The following COX6C variants were observed in gnomAD, a reference collection of about 807,000 sequenced individuals.
COX6C encodes the protein cytochrome c oxidase subunit 6C, also known as cytochrome c oxidase polypeptide VIc.
COX6C carries 3 observed loss-of-function variants against 6.9 expected under a neutral mutation model. That is an observed-to-expected ratio of 0.43 (90% CI 0.20 to 1.12). COX6C has a LOEUF of 1.12. Ranked by LOEUF, COX6C falls within the 50% of genes most tolerant of loss-of-function variation. The probability of loss-of-function intolerance (pLI) is 0.27; values close to 1 mark genes in which losing one functional copy is unlikely to be tolerated. For missense variants in COX6C, 101 were observed against 97.3 expected (o/e 1.04, Z -0.16); for synonymous variants, 32 against 32.0 (o/e 1.00, Z 0.00).
intron 3 of COX6C, among the ~76,000 whole-genome samples, chr8:99,882,515 G>C (rs1455609766): frequency 6.6e-6 from 1 of 152,066 alleles, no homozygotes; most frequent in Non-Finnish European, 1.5e-5. Context: ...TTAAAAAACT[G>C]TATCAACCTA....
rs542095637 is a variant in COX6C, at chr8:99,888,112, A to T, written c.115-494T>A. 1.1e-3 allele frequency among the ~76,000 whole-genome samples: 165 copies of T among 150,750 alleles called. 2 individuals carry two copies. Among genetic ancestry groups the T allele is most frequent in the Admixed American group, 3.0e-3 (45 of 15,208 alleles). ...TCTCAAAAAAATAAAAAATAAAAAA[A>T]AATAAAAAATAAAAAAAAAATAAAA... is the stretch of plus-strand genomic sequence containing the variant. On this transcript the variant is annotated intron_variant, in intron 2 of 3. Coordinates refer to ENST00000520468, the MANE Select transcript of COX6C (RefSeq NM_004374.4).
In COX6C at chr8:99,892,773, CCAA is replaced by C. The variant is rs769593605; in HGVS notation, c.-31-724_-31-722del. 1.3e-3 allele frequency among the ~76,000 whole-genome samples: 195 copies of C among 151,988 alleles called. 1 individual carries two copies. Among genetic ancestry groups the C allele is most frequent in the Admixed American group, 3.4e-3 (52 of 15,226 alleles). On this transcript the variant is annotated intron_variant, in intron 1 of 3. Coordinates refer to ENST00000520468, the MANE Select transcript of COX6C (RefSeq NM_004374.4). ...ACGAGCAAAGGCAACAAAAATCTTT[CCAA>C]CAACAAGAAAAATAAGCAGTAGCTC...
intron 1 of COX6C, chr8:99,893,257 G>C (rs564406032): frequency 6.6e-6 from 1 of 152,332 alleles, no homozygotes; most frequent in African/African-American, 2.4e-5. Context: ...AGCTGCATTA[G>C]AAACCACCAC....
At chr8:99,879,506 AC>A (rs1817823556) in intron 3 of COX6C, among the ~76,000 whole-genome samples, 1 of 152,162 alleles carries the variant, frequency 6.6e-6, no homozygotes, top group Admixed American at 6.5e-5. Flanking sequence ...AGGCCCCCAA[AC>A]CCCCACAAAA....
chr8:99,888,994 T>TC (rs975123164), intron 2 of COX6C, among the ~76,000 whole-genome samples: 6 of 152,230 alleles, frequency 3.9e-5, no homozygotes, highest in Admixed American at 3.9e-4. Context: ...GAGTCTGTTT[T>TC]CTTTTTTCCT....
intron 3 of COX6C, among the ~76,000 whole-genome samples, chr8:99,884,347 A>C (rs1188970153): frequency 6.6e-6 from 1 of 152,224 alleles, no homozygotes; most frequent in African/African-American, 2.4e-5. Context: ...GGAATGCCTA[A>C]TAAAGGAAAT....
chr8:99,883,553 C>T (rs1817901273), intron 3 of COX6C, among the ~76,000 whole-genome samples: 1 of 150,410 alleles, frequency 6.6e-6, no homozygotes, highest in African/African-American at 2.5e-5. Context: ...CCTCCTTTCT[C>T]AGCCTCCCAA....
At chr8:99,887,443 C>T in intron 3 of COX6C, 47 bp downstream of exon 3, 1 of 1,174,664 alleles carries the variant, frequency 8.5e-7, no homozygotes, top group Non-Finnish European at 1.2e-6. Flanking sequence ...TTGCATTTTA[C>T]CACAATTAGA....
intron 3 of COX6C, among the ~76,000 whole-genome samples, chr8:99,885,825 G>A (rs1014734312): frequency 1.3e-5 from 2 of 152,208 alleles, no homozygotes; most frequent in South Asian, 2.1e-4. Flanking sequence ...ACACAACAGA[G>A]TGAAAAGGCA....
At chr8:99,879,372 A>T (rs1005317817) in intron 3 of COX6C, among the ~76,000 whole-genome samples, 5 of 152,238 alleles carry the variant, frequency 3.3e-5, no homozygotes, top group South Asian at 2.1e-4. Context: ...ACTTTTTTTT[A>T]AAAAAGTGAC....
chr8:99,889,537 C>A (rs1161072351), intron 2 of COX6C, among the ~76,000 whole-genome samples: 1 of 151,974 alleles, frequency 6.6e-6, no homozygotes, highest in Non-Finnish European at 1.5e-5. Flanking sequence ...AGGTGCCCGA[C>A]ACCACGCCCG....
At chr8:99,888,090 CAAAAAAATAAAAAATAA>C (rs1434754223) in intron 2 of COX6C, among the ~76,000 whole-genome samples, 10 of 101,834 alleles carry the variant, frequency 9.8e-5, no homozygotes, top group Admixed American at 3.2e-4. Flanking sequence ...GACTCTGTCT[CAAAAAAATAAAAAATAA>C]AAAAAAATAA....
At chr8:99,880,030 T>C (rs1817837251) in intron 3 of COX6C, among the ~76,000 whole-genome samples, 1 of 152,184 alleles carries the variant, frequency 6.6e-6, no homozygotes, top group Admixed American at 6.5e-5. Flanking sequence ...GAAAGGCAGC[T>C]GTGTATAGGA....
intron 3 of COX6C, among the ~76,000 whole-genome samples, chr8:99,882,679 C>T (rs1817881915): frequency 1.3e-5 from 2 of 151,878 alleles, no homozygotes; most frequent in Non-Finnish European, 2.9e-5. Context: ...GAACCACCAA[C>T]TAACAGAGGG....
chr8:99,882,569 T>C (rs1235867575), intron 3 of COX6C, among the ~76,000 whole-genome samples: 1 of 139,982 alleles, frequency 7.1e-6, no homozygotes, highest in Non-Finnish European at 1.5e-5. Context: ...AGCTGAATAA[T>C]ATTAAACAAA....
chr8:99,878,617 TG>T (rs1222183101), intron 3 of COX6C: 1 of 149,606 alleles, frequency 6.7e-6, no homozygotes, highest in Non-Finnish European at 1.5e-5. Context: ...ATACTGTTTC[TG>T]TTCCAAGCCA....
rs550986877 is a variant in COX6C, at chr8:99,888,129, A to T, written c.115-511T>A. On this transcript the variant is annotated intron_variant, in intron 2 of 3. Coordinates refer to ENST00000520468, the MANE Select transcript of COX6C (RefSeq NM_004374.4). ...ATAAAAAAAAATAAAAAATAAAAAA[A>T]AAATAAAAAATAAAAAAGATGGGGT... 1.8e-3 allele frequency among the ~76,000 whole-genome samples: 273 copies of T among 151,052 alleles called. 1 individual carries two copies. The highest frequency in any genetic ancestry group is 3.4e-3 in the Middle Eastern group (1 of 290).
Position 99,884,742 on chromosome 8 carries a change from T to C in COX6C, c.*15+2748A>G, listed in dbSNP as rs552231961. On this transcript the variant is annotated intron_variant, in intron 3 of 3. Coordinates refer to ENST00000520468, the MANE Select transcript of COX6C (RefSeq NM_004374.4). The stretch of plus-strand genomic sequence containing the variant: ...CTATACAGCTACGTTTTTTCCTATA[T>C]ATACACATACCTATAATAAAGCTTA... Among the ~76,000 whole-genome samples, 5 of 152,312 alleles carry C rather than the reference T, an allele frequency of 3.3e-5. No homozygotes were observed. The South Asian group carries it at 1.0e-3, about 32-fold the overall frequency.
chr8:99,885,809 C>T (rs1817935901), intron 3 of COX6C, among the ~76,000 whole-genome samples: 1 of 152,070 alleles, frequency 6.6e-6, no homozygotes. Flanking sequence ...TTCTGTGCAT[C>T]AAGGGACACA....
Sources: gnomAD v4.1 joint callset for allele counts (sites outside exome capture counted in the v4.1 genomes callset) on GRCh38, gnomAD v4.1.1 for gene constraint, MANE v1.5 for transcripts, NCBI Gene and HGNC (gene_info 2026-07-23, HGNC 2026-07-21) for gene names.